HIPK2: variants seen among roughly 807,000 people sequenced by gnomAD.
HIPK2 encodes homeodomain-interacting protein kinase 2.
In HIPK2, 27 loss-of-function variants were observed where a neutral mutation model predicts 113.7. That is an observed-to-expected ratio of 0.24 (90% CI 0.17 to 0.33). HIPK2 has a LOEUF of 0.33. HIPK2 is among the 10% of genes least tolerant of loss of function. The pLI, the probability that HIPK2 is intolerant of heterozygous loss-of-function variation, is 1.00. For synonymous variants in HIPK2, 631 were observed against 642.2 expected, an observed-to-expected ratio of 0.98 and a Z score of 0.26; for missense variants, 1,257 against 1,588.0, an observed-to-expected ratio of 0.79 and a Z score of 3.54.
chr7:139,673,060 A>G (rs1218974198), intron 2 of HIPK2, among the ~76,000 whole-genome samples: 2 of 151,446 alleles, frequency 1.3e-5, no homozygotes, highest in African/African-American at 2.4e-5. Flanking sequence ...AGAAAGTCCT[A>G]GTGGCTAGAA....
intron 2 of HIPK2, among the ~76,000 whole-genome samples, chr7:139,661,667 T>C (rs1003843733): frequency 6.6e-5 from 10 of 152,112 alleles, no homozygotes; most frequent in Non-Finnish European, 1.2e-4. Context: ...ACACATAAAA[T>C]ACACTAACAC....
At chr7:139,586,791 A>AG (rs781380639) in intron 12 of HIPK2, among the ~76,000 whole-genome samples, 67 of 152,256 alleles carry the variant, frequency 4.4e-4, no homozygotes, top group Non-Finnish European at 8.2e-4. Flanking sequence ...ATGCTACAAT[A>AG]TGGATGAACC....
intron 1 of HIPK2, among the ~76,000 whole-genome samples, chr7:139,769,614 A>C (rs182304394): frequency 6.6e-6 from 1 of 152,356 alleles, no homozygotes; most frequent in African/African-American, 2.4e-5. Flanking sequence ...TTGTTAAGCC[A>C]ACACCAGAGC....
chr7:139,644,312 C>A (rs1451342901), intron 2 of HIPK2, among the ~76,000 whole-genome samples: 1 of 152,214 alleles, frequency 6.6e-6, no homozygotes, highest in Non-Finnish European at 1.5e-5. Flanking sequence ...CACAAAAGCC[C>A]TGTGGTATTT....
intron 2 of HIPK2, among the ~76,000 whole-genome samples, chr7:139,709,800 T>G (rs891765510): frequency 6.6e-6 from 1 of 152,234 alleles, no homozygotes; most frequent in South Asian, 2.1e-4. Context: ...GTGGTGGGAT[T>G]TGAAACTAGG....
rs1000132925 is a variant in HIPK2, at chr7:139,571,434, A to G, written c.*1493T>C. On this transcript the variant is annotated 3_prime_UTR_variant, in exon 15 of 15. Coordinates refer to ENST00000406875, the MANE Select transcript of HIPK2 (RefSeq NM_022740.5). Reference sequence around the variant, plus strand: ...TGGGGACAGAGTGGGGCAGGGGTGAAGGGTGGGGAGTCTCTCTGGGCCTCC... The same window carrying G: ...TGGGGACAGAGTGGGGCAGGGGTGAGGGGTGGGGAGTCTCTCTGGGCCTCC... The G allele has an allele frequency of 6.6e-6, 1 of 152,226 alleles. No homozygotes were observed. Among genetic ancestry groups the G allele is most frequent in the Non-Finnish European group, 1.5e-5 (1 of 68,052 alleles). 9.4% of individuals were successfully genotyped at this position (152,226 alleles called of 1,614,324 possible).
chr7:139,738,741 T>C (rs191812132), intron 1 of HIPK2, among the ~76,000 whole-genome samples: 9 of 152,336 alleles, frequency 5.9e-5, no homozygotes, highest in South Asian at 2.1e-4. Context: ...GTAGTCTTTG[T>C]ACTATTTTTA....
Position 139,665,381 on chromosome 7 carries a change from CA to C in HIPK2, c.1104-33657del, listed in dbSNP as rs1419529159. 3.3e-5 allele frequency among the ~76,000 whole-genome samples: 5 copies of C among 152,318 alleles called. No individual in the cohort carries two copies. In the East Asian group the frequency reaches 9.6e-4, roughly 29 times the overall value. ...AGCTATTCATCTACATTAGGGATCC[CA>C]ACCCTTCTTCTTTTTTATCTCACAT... On this transcript the variant is annotated intron_variant, in intron 2 of 14. Coordinates refer to ENST00000406875, the MANE Select transcript of HIPK2 (RefSeq NM_022740.5).
At chr7:139,747,145 G>C (rs1356990441) in intron 1 of HIPK2, among the ~76,000 whole-genome samples, 3 of 152,144 alleles carry the variant, frequency 2.0e-5, no homozygotes, top group Non-Finnish European at 1.5e-5. Context: ...CAGATTCTGA[G>C]ATGTCCCATG....
rs766194636 is a variant in HIPK2, at chr7:139,685,039, G to A, written c.1103+30893C>T. Among the ~76,000 whole-genome samples, 3 of 152,312 alleles carry A rather than the reference G, an allele frequency of 2.0e-5. No individual in the cohort carries two copies. The East Asian group carries it at 5.8e-4, about 29-fold the overall frequency. On this transcript the variant is annotated intron_variant, in intron 2 of 14. Transcript: ENST00000406875. The stretch of plus-strand genomic sequence containing the variant: ...GCAGCTATCAGAGGTTGGTTCATAA[G>A]GTTTAAGGAAATAAGCCATCTCCAT...
intron 1 of HIPK2, among the ~76,000 whole-genome samples, chr7:139,759,024 G>T (rs1407545423): frequency 1.3e-5 from 2 of 151,940 alleles, no homozygotes; most frequent in African/African-American, 4.8e-5. Flanking sequence ...ACCAAAACAT[G>T]CATGATCAAC....
chr7:139,670,988 T>C (rs1313743104), intron 2 of HIPK2, among the ~76,000 whole-genome samples: 3 of 152,086 alleles, frequency 2.0e-5, no homozygotes, highest in African/African-American at 7.2e-5. Context: ...CTCCAACTCC[T>C]GGCCTCAAGT....
At chr7:139,772,936 C>T in intron 1 of HIPK2, among the ~76,000 whole-genome samples, 1 of 147,338 alleles carries the variant, frequency 6.8e-6, no homozygotes, top group East Asian at 2.0e-4. Context: ...GAAGTATGAA[C>T]TGCCACTAAA....
rs1585414481 is a variant in HIPK2 at position 139,716,809 on chromosome 7, G to C, written c.226C>G (p.Pro76Ala). ...ATGGTCTGCTCGTAAGGTAGGCTTG[G>C]GTTTGGGACCGGCAAGGAGGTGCTG... Reference protein sequence around the residue: ...TVSTSLPVPNPSLPYEQTIVF... With the variant: ...TVSTSLPVPNASLPYEQTIVF... Residue 76 changes from proline to alanine, a missense_variant, in exon 2 of 15, where the codon CCA becomes GCA. This residue lies in a region of HIPK2 where 209 missense variants were observed against 237.8 expected (regional missense o/e 0.88). Transcript: ENST00000406875. The surrounding 1 kb of genome is among the most constrained non-coding windows in gnomAD (Gnocchi z 9.3). 6.2e-7 allele frequency: 1 copy of C among 1,613,836 alleles called. No individual in the cohort carries two copies. Among genetic ancestry groups the C allele is most frequent in the African/African-American group, 1.3e-5 (1 of 74,902 alleles).
intron 2 of HIPK2, among the ~76,000 whole-genome samples, chr7:139,696,908 T>C (rs947609952): frequency 3.3e-5 from 5 of 152,102 alleles, no homozygotes; most frequent in Non-Finnish European, 7.4e-5. Context: ...AAAACTTCTA[T>C]AAGACAGCAT....
rs188330129 is a variant in HIPK2, at chr7:139,635,411, G to A, written c.1104-3686C>T. On this transcript the variant is annotated intron_variant, in intron 2 of 14. Coordinates refer to ENST00000406875, the MANE Select transcript of HIPK2 (RefSeq NM_022740.5). ...GCTGTTCCTAACCCACGGAAACCTC[G>A]TTTTCCAGTTTCCATTCCCCAGTGA... 2.5e-3 allele frequency among the ~76,000 whole-genome samples: 386 copies of A among 152,218 alleles called. 2 individuals are homozygous for A. The highest frequency in any genetic ancestry group is 8.9e-3 in the African/African-American group (371 of 41,542).
intron 2 of HIPK2, among the ~76,000 whole-genome samples, chr7:139,666,095 A>G (rs1802039943): frequency 6.6e-6 from 1 of 152,170 alleles, no homozygotes; most frequent in South Asian, 2.1e-4. Context: ...CCAATCAAAG[A>G]CACACAAGAG....
intron 1 of HIPK2, among the ~76,000 whole-genome samples, chr7:139,763,480 C>CA (rs1451202810): frequency 7.6e-6 from 1 of 131,842 alleles, no homozygotes; most frequent in African/African-American, 3.2e-5. Context: ...ACGCCCCCCC[C>CA]CCCACACGCC....
rs147099184 is a variant in HIPK2 at position 139,664,135 on chromosome 7, A to G, written c.1104-32410T>C. On this transcript the variant is annotated intron_variant, in intron 2 of 14. Transcript: ENST00000406875. ...GGTTTCTCCTGAAGTCAAACAAACA[A>G]GCAAGCAAACCAACCAACCAACCAA... Among the ~76,000 whole-genome samples, 1,424 of 147,860 alleles carry G rather than the reference A, an allele frequency of 9.6e-3. 20 individuals are homozygous for G. The highest frequency in any genetic ancestry group is 0.011 in the Non-Finnish European group (714 of 67,366).
Sources: allele counts gnomAD v4.1 joint callset (sites outside exome capture counted in the v4.1 genomes callset), GRCh38; gene constraint gnomAD v4.1.1; regional missense constraint gnomAD v4.1.1; non-coding constraint Gnocchi (gnomAD v3.1); transcripts MANE v1.5; gene names NCBI Gene and HGNC (gene_info 2026-07-23, HGNC 2026-07-21).